The following CCDC171 variants were observed in gnomAD, a reference collection of about 807,000 sequenced individuals.
The protein encoded by CCDC171 is coiled-coil domain containing 171.
Under a neutral mutation model 168.2 loss-of-function variants are expected in CCDC171, and 177 were observed. That is an observed-to-expected ratio of 1.05 (90% CI 0.93 to 1.19). The LOEUF is 1.19. CCDC171 is among the 50% of genes most tolerant of loss of function. The pLI is 0.00. For synonymous variants in CCDC171, 687 were observed against 540.8 expected (o/e 1.27, Z -3.75); for missense variants, 1,991 against 1,539.0 (o/e 1.29, Z -4.91).
chr9:16,053,592 C>A lies in CCDC171; in HGVS notation n.90-7054C>A, dbSNP rs576283707. On this transcript the variant is annotated intron_variant and non_coding_transcript_variant, in intron 1 of 1. Transcript: ENST00000478913. ...TTTTCTCTCATCTCCTGCTCCCGTG[C>A]CTCTCCATAAAGCAATCCGCTGTCA... Among the ~76,000 whole-genome samples the A allele has an allele frequency of 3.0e-3, 455 of 152,334 alleles. 2 individuals are homozygous for A. Among genetic ancestry groups the A allele is most frequent in the African/African-American group, 0.01 (427 of 41,574 alleles).
intron 16 of CCDC171, among the ~76,000 whole-genome samples, chr9:15,734,476 T>C (rs750147470): frequency 7.9e-5 from 12 of 152,110 alleles, no homozygotes; most frequent in Non-Finnish European, 1.6e-4. Context: ...AGGCAGAGGT[T>C]GCAATAAGCC....
chr9:16,081,776 G>C, the CCDC171 span, among the ~76,000 whole-genome samples: 1 of 151,984 alleles, frequency 6.6e-6, no homozygotes, highest in Non-Finnish European at 1.5e-5. Context: ...AGGTAGGTTT[G>C]CATGGGGAAA....
chr9:15,557,341 A>T (rs1477492595), intron 1 of CCDC171, among the ~76,000 whole-genome samples: 1 of 152,084 alleles, frequency 6.6e-6, no homozygotes, highest in East Asian at 1.9e-4. Context: ...GAGTATGGCC[A>T]TTTTCACAAT....
chr9:15,677,464 A>G (rs2049666647), intron 9 of CCDC171, among the ~76,000 whole-genome samples: 2 of 152,112 alleles, frequency 1.3e-5, no homozygotes, highest in African/African-American at 4.8e-5. Context: ...ATTTGATTAT[A>G]GTAGTAATTT....
At chr9:16,079,637 A>G in the CCDC171 span, among the ~76,000 whole-genome samples, 1 of 152,244 alleles carries the variant, frequency 6.6e-6, no homozygotes, top group South Asian at 2.1e-4. Flanking sequence ...TAAGGAACCA[A>G]ATCTGCCAAC....
intron 21 of CCDC171, among the ~76,000 whole-genome samples, chr9:15,827,765 T>G (rs1005687148): frequency 9.8e-5 from 15 of 152,296 alleles, no homozygotes; most frequent in African/African-American, 3.6e-4. Flanking sequence ...ATTAGGCCAC[T>G]TGAGTTCAAA....
intron 3 of CCDC171, among the ~76,000 whole-genome samples, chr9:15,980,468 T>C (rs980424248): frequency 8.5e-5 from 13 of 152,264 alleles, no homozygotes; most frequent in Admixed American, 2.6e-4. Context: ...ATCCAAGTTC[T>C]ATTTCTGAGA....
At position 15,721,263 on chromosome 9, in the gene CCDC171, A is replaced by G. The variant is rs1322855108; in HGVS notation, c.1319-506A>G. On this transcript the variant is annotated intron_variant, in intron 11 of 25. Coordinates refer to ENST00000380701, the MANE Select transcript of CCDC171 (RefSeq NM_173550.4). ...ATTTCCAAGTATAACAGAAAATTATATACTCTTGGGTTCAGAAATTATTAT... is the reference window on the plus strand; with the variant it reads ...ATTTCCAAGTATAACAGAAAATTATGTACTCTTGGGTTCAGAAATTATTAT... 3.3e-5 allele frequency among the ~76,000 whole-genome samples: 5 copies of G among 152,120 alleles called. 1 individual carries two copies. The highest frequency in any genetic ancestry group is 7.4e-5 in the Non-Finnish European group (5 of 68,014).
intron 21 of CCDC171, among the ~76,000 whole-genome samples, chr9:15,841,072 A>G (rs548525284): frequency 6.6e-6 from 1 of 152,206 alleles, no homozygotes; most frequent in South Asian, 2.1e-4. Flanking sequence ...ATGAGGCATT[A>G]TACAACAAAA....
At chr9:15,889,639 T>A (rs1819925069) in intron 24 of CCDC171, among the ~76,000 whole-genome samples, 1 of 152,192 alleles carries the variant, frequency 6.6e-6, no homozygotes, top group Non-Finnish European at 1.5e-5. Context: ...ACATTTTCAC[T>A]CCATGCCAGT....
At chr9:15,690,617 A>G (rs939605769) in intron 10 of CCDC171, among the ~76,000 whole-genome samples, 8 of 152,200 alleles carry the variant, frequency 5.3e-5, no homozygotes, top group African/African-American at 1.4e-4. Flanking sequence ...AAAATATGAC[A>G]TAAAAATCAG....
the CCDC171 span, among the ~76,000 whole-genome samples, chr9:16,081,300 C>G: frequency 6.6e-6 from 1 of 152,178 alleles, no homozygotes; most frequent in Non-Finnish European, 1.5e-5. Context: ...TCAAATCTCT[C>G]AGAGGTGAGT....
In CCDC171 at chr9:15,648,341, C is replaced by T. The variant is rs1052983489; in HGVS notation, c.823-8786C>T. Among the ~76,000 whole-genome samples, 22 of 152,172 alleles carry T rather than the reference C, an allele frequency of 1.4e-4. 1 individual carries two copies. The South Asian group carries it at 2.7e-3, about 19-fold the overall frequency. On this transcript the variant is annotated intron_variant, in intron 7 of 25. Transcript: ENST00000380701. ...CATTCCCTTTGAAAACTGGCACAATCCAGGGATGCCCTCTCTCACCATTCC... is the reference window on the plus strand; with the variant it reads ...CATTCCCTTTGAAAACTGGCACAATTCAGGGATGCCCTCTCTCACCATTCC...
chr9:16,031,132 G>A (rs1478040493), intron 6 of CCDC171, among the ~76,000 whole-genome samples: 1 of 152,036 alleles, frequency 6.6e-6, no homozygotes, highest in Non-Finnish European at 1.5e-5. Context: ...GCTGGTTGGG[G>A]GCTTAGGTTT....
chr9:15,604,601 A>T (rs1475256487), intron 6 of CCDC171, among the ~76,000 whole-genome samples: 1 of 152,080 alleles, frequency 6.6e-6, no homozygotes, highest in Non-Finnish European at 1.5e-5. Flanking sequence ...ACGGTATGGG[A>T]AGTGTAGCTT....
At chr9:15,809,272 C>G (rs2059220702) in intron 21 of CCDC171, among the ~76,000 whole-genome samples, 2 of 152,174 alleles carry the variant, frequency 1.3e-5, no homozygotes, top group African/African-American at 4.8e-5. Flanking sequence ...GTAGTGGAGT[C>G]TAGTGTCTAG....
chr9:15,876,927 A>T (rs1216522921), intron 24 of CCDC171, among the ~76,000 whole-genome samples: 1 of 152,118 alleles, frequency 6.6e-6, no homozygotes, highest in African/African-American at 2.4e-5. Flanking sequence ...CCATTTGCCC[A>T]ACTTACTCAG....
chr9:16,068,675 A>G, the CCDC171 span, among the ~76,000 whole-genome samples: 27 of 152,050 alleles, frequency 1.8e-4, no homozygotes, highest in Admixed American at 1.6e-3. Flanking sequence ...ATCTACGTAA[A>G]TCACAGTGCC....
chr9:15,558,187 G>GC (rs1554675026), intron 1 of CCDC171, among the ~76,000 whole-genome samples: 1 of 151,930 alleles, frequency 6.6e-6, no homozygotes, highest in African/African-American at 2.4e-5. Context: ...AGGGATATTG[G>GC]CTAAAATTCT....
Sources: gnomAD v4.1 joint callset for allele counts (sites outside exome capture counted in the v4.1 genomes callset) on GRCh38, gnomAD v4.1.1 for gene constraint, MANE v1.5 for transcripts, NCBI Gene and HGNC (gene_info 2026-07-23, HGNC 2026-07-21) for gene names.